The following IDO2 variants were observed in gnomAD, a reference collection of about 807,000 sequenced individuals.
The protein encoded by IDO2 is indoleamine 2,3-dioxygenase 2.
IDO2 carries 46 observed loss-of-function variants against 45.1 expected under a neutral mutation model. The ratio of observed to expected loss-of-function variants is 1.02; its 90% CI spans 0.80 to 1.30. The LOEUF (loss-of-function observed/expected upper bound fraction) is 1.30. Ranked by LOEUF, IDO2 falls within the 50% of genes most tolerant of loss-of-function variation. The pLI, the probability that IDO2 is intolerant of heterozygous loss-of-function variation, is 0.00. For synonymous variants in IDO2, 218 were observed against 184.9 expected, an observed-to-expected ratio of 1.18 and a Z score of -1.45; for missense variants, 544 against 491.8, an observed-to-expected ratio of 1.11 and a Z score of -1.00.
chr8:39,950,594 T>C (rs1352016481), intron 2 of IDO2, among the ~76,000 whole-genome samples: 3 of 152,210 alleles, frequency 2.0e-5, no homozygotes, highest in Admixed American at 6.5e-5. Flanking sequence ...TGCTACTCAA[T>C]AGCTGTCCAG....
intron 1 of IDO2, among the ~76,000 whole-genome samples, chr8:39,947,203 A>C (rs1807748407): frequency 7.0e-6 from 1 of 143,030 alleles, no homozygotes; most frequent in East Asian, 2.2e-4. Flanking sequence ...AAAGAAGTAG[A>C]GTGTTTAATT....
intron 9 of IDO2, 84 bp from the exon 10 acceptor site, chr8:40,013,481 T>C: frequency 7.7e-7 from 1 of 1,297,476 alleles, no homozygotes; most frequent in Non-Finnish European, 1.1e-6. Context: ...GTTCCCTTTC[T>C]CATTCACTCT....
chr8:39,987,998 C>A (rs370014811), intron 7 of IDO2, 28 bp downstream of exon 7: 10 of 1,349,164 alleles, frequency 7.4e-6, no homozygotes, highest in Non-Finnish European at 1.0e-5. Context: ...AGCACCTTTT[C>A]TTTTTAAATG....
Position 39,987,870 on chromosome 8 carries a change from G to C in IDO2, c.450-1G>C. On this transcript the variant is annotated splice_acceptor_variant, in intron 6 of 10. Transcript: ENST00000502986. LOFTEE classifies it high-confidence loss of function. The stretch of plus-strand genomic sequence containing the variant: ...AATCATGTGCTCCTCTCCTTCCCAA[G>C]GAACCTGGAGACCATCATCTCATTT... The C allele has an allele frequency of 6.3e-7, 1 of 1,594,600 alleles. No homozygotes were observed. Among genetic ancestry groups the C allele is most frequent in the East Asian group, 2.2e-5 (1 of 44,718 alleles).
intron 1 of IDO2, among the ~76,000 whole-genome samples, chr8:39,941,755 C>T (rs1230346940): frequency 2.6e-5 from 4 of 151,942 alleles, no homozygotes; most frequent in Non-Finnish European, 5.9e-5. Context: ...AAATACAGTT[C>T]AAACAATAGG....
chr8:39,937,095 T>C (rs1299042286), intron 1 of IDO2, among the ~76,000 whole-genome samples: 1 of 152,228 alleles, frequency 6.6e-6, no homozygotes, highest in Admixed American at 6.5e-5. Context: ...TGGGACAAAC[T>C]CCTTTTCTGC....
intron 1 of IDO2, among the ~76,000 whole-genome samples, chr8:39,946,284 G>T (rs1452084028): frequency 6.6e-6 from 1 of 152,146 alleles, no homozygotes; most frequent in East Asian, 1.9e-4. Context: ...CTCCTGGCTC[G>T]CTGGCCTCCC....
intron 8 of IDO2, chr8:39,995,291 T>TTCTTCTTCTTCTTCCTC (rs1802024993): frequency 1.4e-5 from 1 of 71,964 alleles, no homozygotes; most frequent in Non-Finnish European, 3.0e-5. Flanking sequence ...TCTTCTTCTT[T>TTCTTCTTCTTCTTCCTC]TTTTTTTGAG....
chr8:39,966,447 C>T (rs1296272450), intron 3 of IDO2, among the ~76,000 whole-genome samples: 3 of 152,170 alleles, frequency 2.0e-5, no homozygotes. Flanking sequence ...ACAATAGTTT[C>T]GAGAGACTGA....
At chr8:39,960,943 C>A (rs1807985658) in intron 2 of IDO2, among the ~76,000 whole-genome samples, 1 of 148,426 alleles carries the variant, frequency 6.7e-6, no homozygotes, top group African/African-American at 2.4e-5. Flanking sequence ...CCAACACGCC[C>A]AGCTAATTTT....
chr8:40,007,855 C>T (rs1255600928), intron 9 of IDO2, among the ~76,000 whole-genome samples: 1 of 152,122 alleles, frequency 6.6e-6, no homozygotes, highest in African/African-American at 2.4e-5. Flanking sequence ...TTGGGCTGGG[C>T]TCTTAACTGA....
In IDO2 at chr8:40,011,927, C is replaced by A. The variant is rs186888911; in HGVS notation, c.720-1638C>A. 1.0e-3 allele frequency among the ~76,000 whole-genome samples: 154 copies of A among 152,338 alleles called. 1 individual carries two copies. The highest frequency in any genetic ancestry group is 3.6e-3 in the African/African-American group (148 of 41,574). The stretch of plus-strand genomic sequence containing the variant: ...AGTAACCTCTCCTTTCCTCTTCCCA[C>A]CATTCCCCTGCACTGCTTTCTGTAC... On this transcript the variant is annotated intron_variant, in intron 9 of 10. Transcript: ENST00000502986.
chr8:39,969,649 G>A (rs1808149970), intron 3 of IDO2, among the ~76,000 whole-genome samples: 1 of 152,158 alleles, frequency 6.6e-6, no homozygotes, highest in Non-Finnish European at 1.5e-5. Flanking sequence ...CCAAGGCGGG[G>A]AGATCACCTG....
At chr8:39,940,741 TA>T (rs1431470581) in intron 1 of IDO2, among the ~76,000 whole-genome samples, 1 of 150,788 alleles carries the variant, frequency 6.6e-6, no homozygotes, top group Non-Finnish European at 1.5e-5. Context: ...CTCCTCCCCC[TA>T]TTCATCCCAC....
intron 6 of IDO2, among the ~76,000 whole-genome samples, chr8:39,986,709 GATAGA>G (rs1808429665): frequency 6.6e-6 from 1 of 151,158 alleles, no homozygotes; most frequent in African/African-American, 2.5e-5. Context: ...TAGATAGATA[GATAGA>G]TAGACGGAAT....
chr8:39,937,920 C>T (rs886393901), intron 1 of IDO2, among the ~76,000 whole-genome samples: 6 of 152,090 alleles, frequency 3.9e-5, no homozygotes. Flanking sequence ...CATAACATTG[C>T]TTGTAGACCA....
chr8:39,990,672 G>T (rs1009653644), intron 8 of IDO2, among the ~76,000 whole-genome samples: 1 of 152,062 alleles, frequency 6.6e-6, no homozygotes, highest in African/African-American at 2.4e-5. Flanking sequence ...AAAAACCTTT[G>T]TCTTCCTTTA....
intron 8 of IDO2, among the ~76,000 whole-genome samples, chr8:39,992,997 C>T (rs1040413152): frequency 1.3e-5 from 2 of 152,034 alleles, no homozygotes; most frequent in African/African-American, 4.8e-5. Flanking sequence ...AGAACCAGCC[C>T]GGTCTATTTT....
At chr8:39,987,959 C>A (rs1479511779) in exon 7 of IDO2, 1 of 1,599,070 alleles carries the variant, frequency 6.3e-7, no homozygotes, top group Non-Finnish European at 8.6e-7. Flanking sequence ...AGAAGCAGTG[C>A]CTGGGATAAA....
Sources: allele counts gnomAD v4.1 joint callset (sites outside exome capture counted in the v4.1 genomes callset), GRCh38; gene constraint gnomAD v4.1.1; transcripts MANE v1.5; gene names NCBI Gene and HGNC (gene_info 2026-07-23, HGNC 2026-07-21).